DIP2B: variants seen among roughly 807,000 people sequenced by gnomAD.
DIP2B encodes disco-interacting protein 2 homolog B.
A neutral mutation model predicts 198.0 loss-of-function variants in DIP2B; 76 were observed. The ratio of observed to expected loss-of-function variants is 0.38; its 90% CI spans 0.32 to 0.46. The LOEUF is 0.46. DIP2B is among the 20% of genes least tolerant of loss of function. The pLI is 0.99. For synonymous variants in DIP2B, 701 were observed against 739.1 expected, an observed-to-expected ratio of 0.95 and a Z score of 0.84; for missense variants, 1,559 against 1,978.4, an observed-to-expected ratio of 0.79 and a Z score of 4.02.
intron 3 of DIP2B, among the ~76,000 whole-genome samples, chr12:50,655,993 A>G (rs1227105883): frequency 6.6e-6 from 1 of 152,126 alleles, no homozygotes; most frequent in African/African-American, 2.4e-5. Flanking sequence ...AAAATAAACA[A>G]TTTTTAAAAT....
rs368241906 is a variant in DIP2B, at chr12:50,695,433, T to G, written c.1813+73T>G. ...AAGATTTCAGGGATTTCAGAGATTT[T>G]CAAATTGCCCTTGTATGCCCCTGTC... On this transcript the variant is annotated intron_variant, in intron 15 of 37. Transcript: ENST00000301180. 168 of 1,444,132 alleles carry G rather than the reference T, an allele frequency of 1.2e-4. 2 individuals carry two copies. In the South Asian group the frequency reaches 1.9e-3, roughly 17 times the overall value. The allele number at this position is 1,444,132 out of a possible 1,614,324, so 89.5% of individuals were successfully genotyped here. A position where few individuals can be genotyped will look rare whatever the true frequency, so the allele number is the denominator to read the frequency against.
intron 1 of DIP2B, among the ~76,000 whole-genome samples, chr12:50,531,011 T>C (rs1307005778): frequency 1.3e-5 from 2 of 152,136 alleles, no homozygotes; most frequent in East Asian, 1.9e-4. Context: ...TCGCTGATAG[T>C]GGAAGCAGTG....
intron 4 of DIP2B, among the ~76,000 whole-genome samples, chr12:50,663,872 TAA>T (rs397934701): frequency 3.1e-4 from 32 of 104,804 alleles, no homozygotes; most frequent in East Asian, 2.4e-3. Flanking sequence ...CCCATCTCTT[TAA>T]AAAAAAAAAA....
At position 50,659,004 on chromosome 12, in the gene DIP2B, T is replaced by G. The variant is rs565768599; in HGVS notation, c.302-1190T>G. On this transcript the variant is annotated intron_variant, in intron 3 of 37. Transcript: ENST00000301180. The stretch of plus-strand genomic sequence containing the variant: ...TGGGAGGCTGAGACAGGAAAATGGC[T>G]TGAACCTGGGAGGCAGAGGTTGCAG... 7.9e-5 allele frequency among the ~76,000 whole-genome samples: 12 copies of G among 152,252 alleles called. No homozygotes were observed. The South Asian group carries it at 1.0e-3, about 13-fold the overall frequency.
intron 1 of DIP2B, among the ~76,000 whole-genome samples, chr12:50,525,083 C>T (rs916807840): frequency 2.0e-5 from 3 of 151,662 alleles, no homozygotes; most frequent in Non-Finnish European, 2.9e-5. Flanking sequence ...GAAGGCTGGG[C>T]ACGGTGGCTC....
At chr12:50,678,172 G>A (rs1019370805) in intron 7 of DIP2B, among the ~76,000 whole-genome samples, 2 of 151,252 alleles carry the variant, frequency 1.3e-5, no homozygotes, top group Non-Finnish European at 2.9e-5. Context: ...TGACCCTGAG[G>A]TATAACTGTT....
intron 27 of DIP2B, 78 bp downstream of exon 27, chr12:50,723,401 T>C: frequency 6.4e-7 from 1 of 1,573,480 alleles, no homozygotes; most frequent in Non-Finnish European, 8.6e-7. Context: ...TTACTAATTT[T>C]CCAATTTTGT....
intron 9 of DIP2B, among the ~76,000 whole-genome samples, chr12:50,682,713 T>G (rs1244026422): frequency 6.6e-6 from 1 of 151,216 alleles, no homozygotes; most frequent in Non-Finnish European, 1.5e-5. Context: ...AGTTGTAGGC[T>G]CTCTCTGAGA....
chr12:50,725,406 G>A (rs1432158961), intron 28 of DIP2B, among the ~76,000 whole-genome samples: 6 of 152,054 alleles, frequency 3.9e-5, no homozygotes, highest in Admixed American at 2.0e-4. Flanking sequence ...GCTATACTTC[G>A]AAAGCCATAA....
chr12:50,614,631 G>A (rs1015326833), intron 1 of DIP2B, among the ~76,000 whole-genome samples: 3 of 152,186 alleles, frequency 2.0e-5, no homozygotes, highest in Non-Finnish European at 4.4e-5. Flanking sequence ...TACAGATGAA[G>A]AGACTGAGGC....
chr12:50,687,873 C>T lies in DIP2B; in HGVS notation c.1551+1191C>T, dbSNP rs970953029. On this transcript the variant is annotated intron_variant, in intron 12 of 37. Transcript: ENST00000301180. ...ATGTAACCTACATGCAAGTTCTGCA[C>T]GTGTCCCAGAACTTAAAAGTAAAAT... Among the ~76,000 whole-genome samples the T allele has an allele frequency of 5.4e-5, 8 of 148,220 alleles. No homozygotes were observed. In the South Asian group the frequency reaches 6.4e-4, roughly 12 times the overall value.
At chr12:50,712,560 C>T (rs963066374) in intron 22 of DIP2B, among the ~76,000 whole-genome samples, 5 of 151,204 alleles carry the variant, frequency 3.3e-5, no homozygotes, top group African/African-American at 4.9e-5. Context: ...CCCGAGATTG[C>T]GCCACTGCAC....
At chr12:50,659,618 CA>C (rs1938610812) in intron 3 of DIP2B, among the ~76,000 whole-genome samples, 1 of 151,932 alleles carries the variant, frequency 6.6e-6, no homozygotes, top group South Asian at 2.1e-4. Context: ...ATTAGACATT[CA>C]AGTAGAGAGC....
At chr12:50,516,767 G>A (rs1958069239) in intron 1 of DIP2B, among the ~76,000 whole-genome samples, 1 of 152,050 alleles carries the variant, frequency 6.6e-6, no homozygotes, top group South Asian at 2.1e-4. Context: ...CTGAGGTCAG[G>A]AGTTCGAGAC....
intron 19 of DIP2B, 52 bp from the exon 20 acceptor site, chr12:50,704,088 A>G: frequency 1.3e-6 from 2 of 1,534,528 alleles, no homozygotes; most frequent in Non-Finnish European, 8.9e-7. Flanking sequence ...AAAATCACAT[A>G]TACTTTCTAA....
chr12:50,631,524 C>A (rs1236575630), intron 2 of DIP2B, among the ~76,000 whole-genome samples: 2 of 152,072 alleles, frequency 1.3e-5, no homozygotes, highest in East Asian at 3.9e-4. Flanking sequence ...CGTGCCCGGC[C>A]CTGATTCAAG....
chr12:50,728,231 C>A (rs1237837000), intron 29 of DIP2B, among the ~76,000 whole-genome samples: 1 of 151,950 alleles, frequency 6.6e-6, no homozygotes, highest in Non-Finnish European at 1.5e-5. Context: ...AATAGAAAAT[C>A]AGCTGGGCGT....
chr12:50,588,425 C>T (rs989033008), intron 1 of DIP2B, among the ~76,000 whole-genome samples: 24 of 152,302 alleles, frequency 1.6e-4, no homozygotes, highest in African/African-American at 5.5e-4. Context: ...GCTGGAATTA[C>T]AGGCACGAGC....
At chr12:50,674,742 G>T in intron 6 of DIP2B, 113 bp downstream of exon 6, 1 of 1,320,810 alleles carries the variant, frequency 7.6e-7, no homozygotes, top group South Asian at 1.4e-5. Context: ...ATTGTAGTTG[G>T]CCCACTAATA....
Sources: gnomAD v4.1 joint callset for allele counts (sites outside exome capture counted in the v4.1 genomes callset) on GRCh38, gnomAD v4.1.1 for gene constraint, MANE v1.5 for transcripts, NCBI Gene and HGNC (gene_info 2026-07-23, HGNC 2026-07-21) for gene names.